Variants in ATP8A2 observed in about 807,000 individuals in gnomAD.
The protein encoded by ATP8A2 is ATPase phospholipid transporting 8A2, also known as phospholipid-transporting ATPase IB.
Under a neutral mutation model 165.6 loss-of-function variants are expected in ATP8A2, and 100 were observed. That is an observed-to-expected ratio of 0.60 (90% CI 0.51 to 0.71). ATP8A2 has a LOEUF of 0.71. Ranked by LOEUF, ATP8A2 falls within the 30% of genes least tolerant of loss-of-function variation. The probability of loss-of-function intolerance (pLI) is 0.00; values close to 1 mark genes in which losing one functional copy is unlikely to be tolerated. For missense variants in ATP8A2, 1,227 were observed against 1,479.5 expected (o/e 0.83, Z 2.80); for synonymous variants, 543 against 548.8 (o/e 0.99, Z 0.15).
At chr13:25,421,628 C>T (rs1274460218) in intron 1 of ATP8A2, among the ~76,000 whole-genome samples, 1 of 152,254 alleles carries the variant, frequency 6.6e-6, no homozygotes, top group African/African-American at 2.4e-5. Context: ...AACACCGTGC[C>T]TGGCCCTTTT....
intron 27 of ATP8A2, among the ~76,000 whole-genome samples, chr13:25,804,080 T>G (rs973691366): frequency 3.3e-5 from 5 of 152,260 alleles, no homozygotes; most frequent in Admixed American, 1.3e-4. Flanking sequence ...AATATTCCAC[T>G]GGCGAAGTCA....
intron 1 of ATP8A2, among the ~76,000 whole-genome samples, chr13:25,413,274 CTTTGTTTTTTT>C (rs2034026211): frequency 8.1e-6 from 1 of 124,074 alleles, no homozygotes; most frequent in Non-Finnish European, 1.7e-5. Context: ...TTTTCTTTTT[CTTTGTTTTTTT>C]TTTTTTTTTT....
chr13:25,835,458 G>A (rs1951580911), intron 28 of ATP8A2, among the ~76,000 whole-genome samples: 1 of 152,036 alleles, frequency 6.6e-6, no homozygotes, highest in Non-Finnish European at 1.5e-5. Context: ...AGCTTCCTCT[G>A]GCCATATACT....
chr13:25,475,057 T>C (rs926836901), intron 2 of ATP8A2, among the ~76,000 whole-genome samples: 3 of 152,086 alleles, frequency 2.0e-5, no homozygotes, highest in African/African-American at 7.2e-5. Context: ...TGACCTCAGG[T>C]GATCCACCCG....
intron 2 of ATP8A2, among the ~76,000 whole-genome samples, chr13:25,527,135 G>A (rs1414499942): frequency 6.6e-6 from 1 of 152,074 alleles, no homozygotes; most frequent in African/African-American, 2.4e-5. Flanking sequence ...TTTGTTTTCT[G>A]TGTGGGGAAT....
At chr13:25,927,310 C>T (rs1384936247) in intron 33 of ATP8A2, 1 of 438,828 alleles carries the variant, frequency 2.3e-6, no homozygotes, top group Non-Finnish European at 4.6e-6. Context: ...TTCTTCATTT[C>T]AGGAGTGAGT....
chr13:25,702,702 AT>A (rs1252970826), intron 25 of ATP8A2, among the ~76,000 whole-genome samples: 15 of 152,300 alleles, frequency 9.8e-5, no homozygotes, highest in Middle Eastern at 3.4e-3. Flanking sequence ...ATACATCCCA[AT>A]TCCTTGAAAC....
intron 24 of ATP8A2, among the ~76,000 whole-genome samples, chr13:25,599,470 T>C (rs1196099482): frequency 7.2e-5 from 11 of 152,282 alleles, no homozygotes; most frequent in Non-Finnish European, 1.6e-4. Context: ...TCATACACTT[T>C]CCCAGTTTTC....
intron 1 of ATP8A2, among the ~76,000 whole-genome samples, chr13:25,386,861 G>A (rs2033066104): frequency 6.6e-6 from 1 of 151,532 alleles, no homozygotes; most frequent in Non-Finnish European, 1.5e-5. Context: ...GCCGGGCGTG[G>A]TGGCGGGCAC....
intron 33 of ATP8A2, among the ~76,000 whole-genome samples, chr13:25,941,552 C>T (rs1290092056): frequency 6.6e-6 from 1 of 152,202 alleles, no homozygotes; most frequent in Non-Finnish European, 1.5e-5. Flanking sequence ...CTTCCAGAAC[C>T]CGTGTGACTC....
At chr13:25,731,698 G>C (rs1718685440) in intron 25 of ATP8A2, among the ~76,000 whole-genome samples, 1 of 152,132 alleles carries the variant, frequency 6.6e-6, no homozygotes, top group African/African-American at 2.4e-5. Context: ...CACCCTCTTG[G>C]TTAAAAAAAT....
At position 25,592,587 on chromosome 13, in the gene ATP8A2, A is replaced by G. The variant is rs114988642; in HGVS notation, c.2211+2888A>G. ...ACCCTTGGATGTGTGCACATACCTT[A>G]TGAACACACCCACAGTGTCTGTACT... On this transcript the variant is annotated intron_variant, in intron 24 of 36. Coordinates refer to ENST00000381655, the MANE Select transcript of ATP8A2 (RefSeq NM_016529.6). Among the ~76,000 whole-genome samples, 692 of 152,306 alleles carry G rather than the reference A, an allele frequency of 4.5e-3. 5 individuals carry two copies. The highest frequency in any genetic ancestry group is 0.016 in the African/African-American group (668 of 41,568).
chr13:25,513,077 C>T (rs1441632866), intron 2 of ATP8A2, among the ~76,000 whole-genome samples: 10 of 151,536 alleles, frequency 6.6e-5, no homozygotes, highest in Non-Finnish European at 7.4e-5. Context: ...ACCTCCCTCC[C>T]GGACGGGGTG....
intron 29 of ATP8A2, among the ~76,000 whole-genome samples, 192 bp downstream of exon 29, chr13:25,837,477 A>G (rs1361562669): frequency 7.0e-6 from 1 of 143,586 alleles, no homozygotes; most frequent in Admixed American, 6.9e-5. Flanking sequence ...ACACGCCACA[A>G]ACCCAGTGAA....
chr13:25,633,701 C>T (rs117684635), intron 24 of ATP8A2, among the ~76,000 whole-genome samples: 5 of 152,208 alleles, frequency 3.3e-5, no homozygotes, highest in African/African-American at 7.2e-5. Flanking sequence ...GGAGGCTGGA[C>T]GTGGTCGCTC....
intron 14 of ATP8A2, 126 bp downstream of exon 14, chr13:25,559,187 A>T: frequency 1.5e-6 from 1 of 653,504 alleles, no homozygotes; most frequent in Admixed American, 3.0e-5. Flanking sequence ...GTTACTATGG[A>T]ATGTGTTTGT....
At chr13:25,570,968 C>T (rs2039450755) in intron 17 of ATP8A2, 96 bp downstream of exon 17, 1 of 862,670 alleles carries the variant, frequency 1.2e-6, no homozygotes, top group South Asian at 1.8e-5. Flanking sequence ...GTCCGTCCCA[C>T]AGACTCGGCT....
rs199515912 is a variant in ATP8A2, at chr13:25,769,211, G to A, written c.2550G>A (p.Ser850=). 610 of 1,612,588 alleles carry A rather than the reference G, an allele frequency of 3.8e-4. 3 individuals carry two copies. In the South Asian group the frequency reaches 4.0e-3, roughly 10 times the overall value. The change falls in exon 26 of 37, where the codon TCG becomes TCA. Residue 850 remains serine (S), a synonymous_variant. Transcript: ENST00000381655. Reference sequence around the variant, plus strand: ...AAGGCATGCAGGCCACCAACAACTCGGATTACGCCATCGCACAGGTCAGCA... The same window carrying A: ...AAGGCATGCAGGCCACCAACAACTCAGATTACGCCATCGCACAGGTCAGCA... ...GNEGMQATNN[S]DYAIAQFSYL... is the part of the protein sequence containing the mutation.
chr13:25,428,147 G>A (rs774094129), intron 1 of ATP8A2, among the ~76,000 whole-genome samples: 23 of 151,854 alleles, frequency 1.5e-4, no homozygotes, highest in Non-Finnish European at 2.4e-4. Flanking sequence ...TGGTACCACT[G>A]CACTTCAGCC....
Sources: gnomAD v4.1 joint callset for allele counts (sites outside exome capture counted in the v4.1 genomes callset) on GRCh38, gnomAD v4.1.1 for gene constraint, MANE v1.5 for transcripts, NCBI Gene and HGNC (gene_info 2026-07-23, HGNC 2026-07-21) for gene names.